Variants in DNAAF9 observed in about 807,000 individuals in gnomAD.
DNAAF9 encodes shulin.
DNAAF9 carries 90 observed loss-of-function variants against 167.0 expected under a neutral mutation model. The ratio of observed to expected loss-of-function variants is 0.54; its 90% CI spans 0.45 to 0.64. The LOEUF (loss-of-function observed/expected upper bound fraction) is 0.64, where lower values mean the gene tolerates loss of function less well. DNAAF9 is among the 30% of genes least tolerant of loss of function. The pLI, the probability that DNAAF9 is intolerant of heterozygous loss-of-function variation, is 0.00. For synonymous variants in DNAAF9, 491 were observed against 508.8 expected (o/e 0.96, Z 0.47); for missense variants, 1,315 against 1,442.2 (o/e 0.91, Z 1.43).
intron 3 of DNAAF9, among the ~76,000 whole-genome samples, chr20:3,380,146 G>A (rs1025468456): frequency 3.9e-5 from 6 of 152,182 alleles, no homozygotes; most frequent in Non-Finnish European, 8.8e-5. Flanking sequence ...AATGTCCTTA[G>A]CAATCTGGGC....
At chr20:3,254,881 G>A (rs1369222200) in intron 35 of DNAAF9, among the ~76,000 whole-genome samples, 4 of 152,206 alleles carry the variant, frequency 2.6e-5, no homozygotes, top group Non-Finnish European at 4.4e-5. Context: ...GATCCAGACA[G>A]TTTTTGCCTG....
At chr20:3,261,914 G>T (rs908952518) in intron 31 of DNAAF9, among the ~76,000 whole-genome samples, 2 of 151,904 alleles carry the variant, frequency 1.3e-5, no homozygotes, top group Non-Finnish European at 2.9e-5. Context: ...GCCCAAACTA[G>T]AAACAAGCTG....
rs74321758 is a variant in DNAAF9 at position 3,253,709 on chromosome 20, C to T, written c.3421+17G>A. On this transcript the variant is annotated intron_variant, in intron 36 of 36. Transcript: ENST00000252032. ...CTGCCCGGGTTCCACACAGGGACCA[C>T]GCTGTTCCAAGGATACGTGGGTGAA... The T allele has an allele frequency of 4.6e-5, 70 of 1,508,060 alleles. 1 individual carries two copies. The East Asian group carries it at 1.1e-3, about 24-fold the overall frequency. 93.4% of individuals were successfully genotyped at this position (1,508,060 alleles called of 1,614,324 possible). A position where few individuals can be genotyped will look rare whatever the true frequency, so the allele number is the denominator to read the frequency against.
At chr20:3,338,854 A>G (rs1313359774) in intron 10 of DNAAF9, among the ~76,000 whole-genome samples, 2 of 151,614 alleles carry the variant, frequency 1.3e-5, no homozygotes, top group Non-Finnish European at 2.9e-5. Context: ...GGGTTTCACT[A>G]TATTGGCCAG....
chr20:3,342,244 T>A (rs919408063), intron 9 of DNAAF9, among the ~76,000 whole-genome samples: 2 of 152,194 alleles, frequency 1.3e-5, no homozygotes, highest in African/African-American at 4.8e-5. Context: ...GTCTCTGCTC[T>A]TCCTCCTACT....
chr20:3,400,317 AT>A (rs1340261509), intron 1 of DNAAF9, among the ~76,000 whole-genome samples: 1 of 152,192 alleles, frequency 6.6e-6, no homozygotes, highest in Non-Finnish European at 1.5e-5. Context: ...GAAAATTCAA[AT>A]AAAAGCTGGA....
chr20:3,317,375 A>C (rs1386016860), intron 17 of DNAAF9, among the ~76,000 whole-genome samples: 6 of 142,370 alleles, frequency 4.2e-5, no homozygotes, highest in Admixed American at 2.1e-4. Context: ...AAAAAAAAAA[A>C]AAAAAACCCC....
At chr20:3,387,884 T>TAAAAAAAAAAAAAAAAAAAAA (rs557861791) in intron 1 of DNAAF9, among the ~76,000 whole-genome samples, 1 of 87,362 alleles carries the variant, frequency 1.1e-5, no homozygotes. Context: ...CTACAAAAAG[T>TAAAAAAAAAAAAAAAAAAAAA]AAAAAAAAAA....
chr20:3,273,826 G>C (rs1249921950), intron 29 of DNAAF9, among the ~76,000 whole-genome samples: 1 of 152,126 alleles, frequency 6.6e-6, no homozygotes, highest in Non-Finnish European at 1.5e-5. Context: ...CCCTGCCCTG[G>C]AGGCAACTGC....
At chr20:3,378,240 G>C (rs2083601251) in intron 3 of DNAAF9, among the ~76,000 whole-genome samples, 1 of 152,192 alleles carries the variant, frequency 6.6e-6, no homozygotes, top group African/African-American at 2.4e-5. Flanking sequence ...TTGTCCCTCA[G>C]ACATCAGTGT....
intron 16 of DNAAF9, among the ~76,000 whole-genome samples, chr20:3,320,813 A>G (rs2123047030): frequency 6.6e-6 from 1 of 152,230 alleles, no homozygotes; most frequent in Middle Eastern, 3.4e-3. Context: ...GCTTGTACCA[A>G]ATTATCCACT....
At chr20:3,277,919 C>T (rs1187702961) in intron 29 of DNAAF9, among the ~76,000 whole-genome samples, 3 of 152,204 alleles carry the variant, frequency 2.0e-5, no homozygotes, top group Admixed American at 6.5e-5. Context: ...CCGCTCCCTG[C>T]GGACTGGCAA....
At chr20:3,300,755 T>C (rs1451996816) in intron 21 of DNAAF9, among the ~76,000 whole-genome samples, 3 of 150,396 alleles carry the variant, frequency 2.0e-5, no homozygotes, top group Non-Finnish European at 3.0e-5. Context: ...AGTTTCACCA[T>C]GTTATCTCAA....
chr20:3,275,065 C>T (rs2068655637), intron 29 of DNAAF9, among the ~76,000 whole-genome samples: 1 of 152,214 alleles, frequency 6.6e-6, no homozygotes, highest in Non-Finnish European at 1.5e-5. Context: ...ATCCCATGCC[C>T]TGGTGCAGCC....
intron 30 of DNAAF9, among the ~76,000 whole-genome samples, chr20:3,268,896 A>AATTTT (rs1649924645): frequency 2.5e-5 from 2 of 80,840 alleles, no homozygotes; most frequent in Non-Finnish European, 2.5e-5. Flanking sequence ...TCTCTATGTT[A>AATTTT]CTTTTTTTTT....
intron 11 of DNAAF9, among the ~76,000 whole-genome samples, chr20:3,331,859 A>C (rs765524888): frequency 7.9e-5 from 12 of 152,206 alleles, no homozygotes; most frequent in Non-Finnish European, 1.8e-4. Flanking sequence ...TTTTTAGTAG[A>C]GATGGGGTTT....
chr20:3,275,628 C>T lies in DNAAF9; in HGVS notation c.2650+3284G>A, dbSNP rs189925443. Among the ~76,000 whole-genome samples, 246 of 152,330 alleles carry T rather than the reference C, an allele frequency of 1.6e-3. 3 individuals carry two copies. The highest frequency in any genetic ancestry group is 3.4e-4 in the Non-Finnish European group (23 of 68,028). ...TTAGGCCAGCTATGTAAACTGCCAC[C>T]TGCCAAGAGGAAATGCCATCTGTGA... On this transcript the variant is annotated intron_variant, in intron 29 of 36. Transcript: ENST00000252032.
intron 1 of DNAAF9, among the ~76,000 whole-genome samples, chr20:3,399,268 G>A (rs1837439340): frequency 6.6e-6 from 1 of 151,884 alleles, no homozygotes; most frequent in Non-Finnish European, 1.5e-5. Context: ...ACCCAGGCTG[G>A]AGTACAATGG....
chr20:3,349,329 C>G (rs1173619375), intron 7 of DNAAF9, among the ~76,000 whole-genome samples: 1 of 151,646 alleles, frequency 6.6e-6, no homozygotes, highest in East Asian at 1.9e-4. Flanking sequence ...TTGGAGTGAA[C>G]TGGGATTGTG....
Sources: allele counts gnomAD v4.1 joint callset (sites outside exome capture counted in the v4.1 genomes callset), GRCh38; gene constraint gnomAD v4.1.1; transcripts MANE v1.5; gene names NCBI Gene and HGNC (gene_info 2026-07-23, HGNC 2026-07-21).